The following NBPF3 variants were observed in gnomAD, a reference collection of about 807,000 sequenced individuals.
NBPF3 encodes NBPF family member NBPF3.
NBPF3 carries 57 observed loss-of-function variants against 78.1 expected under a neutral mutation model. The ratio of observed to expected loss-of-function variants is 0.73; its 90% confidence interval spans 0.59 to 0.91. The LOEUF is 0.91. Among genes scored for constraint, NBPF3 ranks in the 40% least tolerant of loss-of-function variants. The pLI, the probability that NBPF3 is intolerant of heterozygous loss-of-function variation, is 0.00. For synonymous variants in NBPF3, 182 were observed against 271.7 expected (o/e 0.67, Z 3.25); for missense variants, 510 against 715.3 (o/e 0.71, Z 3.27).
In NBPF3 at chr1:21,476,155, C is replaced by A. The variant is rs1299886914; in HGVS notation, c.992+1204C>A. ...TCTTCCTCCATCCCTTTATTTTGAGCCTATGTGTGTCTCTGCACGTGAGAT... is the reference window on the plus strand; with the variant it reads ...TCTTCCTCCATCCCTTTATTTTGAGACTATGTGTGTCTCTGCACGTGAGAT... On this transcript the variant is annotated intron_variant, in intron 8 of 14. Coordinates refer to ENST00000318249, the MANE Select transcript of NBPF3 (RefSeq NM_032264.6). This position sits in a 1 kb window ranked among gnomAD's most constrained non-coding sequence, Gnocchi z 4.1. Among the ~76,000 whole-genome samples, 1 of 152,032 alleles carries A rather than the reference C, an allele frequency of 6.6e-6. No individual in the cohort carries two copies. Among genetic ancestry groups the A allele is most frequent in the Non-Finnish European group, 1.5e-5 (1 of 68,026 alleles).
chr1:21,470,319 C>T (rs1642514005), intron 3 of NBPF3, among the ~76,000 whole-genome samples: 1 of 152,196 alleles, frequency 6.6e-6, no homozygotes, highest in Non-Finnish European at 1.5e-5. Context: ...GGAGAGGCTG[C>T]AAGGCTTGGG....
intron 2 of NBPF3, chr1:21,459,600 T>A (rs1294624708): frequency 9.4e-6 from 2 of 213,312 alleles, no homozygotes; most frequent in East Asian, 3.2e-4. Flanking sequence ...GGTATATGTG[T>A]GTATGAGAAG....
chr1:21,469,963 A>C (rs1478257905), intron 3 of NBPF3, among the ~76,000 whole-genome samples: 1 of 152,200 alleles, frequency 6.6e-6, no homozygotes, highest in Non-Finnish European at 1.5e-5. Context: ...AAATTGCTGC[A>C]ATGAGTTACA....
At chr1:21,445,647 C>T (rs1640926466) in intron 2 of NBPF3, among the ~76,000 whole-genome samples, 1 of 152,098 alleles carries the variant, frequency 6.6e-6, no homozygotes, top group East Asian at 1.9e-4. Context: ...AAGGCTCCTA[C>T]ACTGTCCTGG....
In NBPF3 at chr1:21,476,683, G is replaced by T. The variant is rs1384302885; in HGVS notation, c.993-1461G>T. ...GTGGGCTTCCCTTAGTGGGTAACTC[G>T]ACCATTCTCTCTGGCTGCCCTTAAC... On this transcript the variant is annotated intron_variant, in intron 8 of 14. Coordinates refer to ENST00000318249, the MANE Select transcript of NBPF3 (RefSeq NM_032264.6). The surrounding 1 kb of genome is among the most constrained non-coding windows in gnomAD (Gnocchi z 4.1). Among the ~76,000 whole-genome samples the T allele has an allele frequency of 6.6e-6, 1 of 152,146 alleles. No individual in the cohort carries two copies. The highest frequency in any genetic ancestry group is 6.6e-5 in the Admixed American group (1 of 15,266).
In NBPF3 at chr1:21,480,125, C is replaced by T. The variant is rs1226785093; in HGVS notation, c.1283C>T (p.Pro428Leu). Reference protein sequence around the residue: ...QDSLDRFYSTPFEYLELPDLC... With the variant: ...QDSLDRFYSTLFEYLELPDLC... ...TCACTGGATAGATTTTATTCAACTC[C>T]TTTTGAGTACCTGGAACTGCCTGAC... is the stretch of plus-strand genomic sequence containing the variant. The change falls in exon 11 of 15, where the codon CCT becomes CTT. Residue 428 changes from proline (P) to leucine (L), a missense_variant. Transcript: ENST00000318249. The T allele has an allele frequency of 4.6e-6, 5 of 1,087,064 alleles. 1 individual carries two copies. In the Admixed American group the frequency reaches 1.1e-4, roughly 25 times the overall value. The allele number at this position is 1,087,064 out of a possible 1,614,324, so 67.3% of individuals were successfully genotyped here. A position where few individuals can be genotyped will look rare whatever the true frequency, so the allele number is the denominator to read the frequency against.
chr1:21,463,704 T>C (rs565758051), intron 2 of NBPF3, among the ~76,000 whole-genome samples: 3 of 152,332 alleles, frequency 2.0e-5, no homozygotes, highest in Non-Finnish European at 4.4e-5. Context: ...CCAAATTATA[T>C]GTTTGACACA....
chr1:21,461,225 A>C (rs1267945121), intron 2 of NBPF3, among the ~76,000 whole-genome samples: 2 of 126,494 alleles, frequency 1.6e-5, no homozygotes, highest in Admixed American at 8.4e-5. Flanking sequence ...GACCCAGGAA[A>C]ATCAGTATGT....
At chr1:21,456,947 T>C (rs990217147) in intron 2 of NBPF3, among the ~76,000 whole-genome samples, 5 of 152,214 alleles carry the variant, frequency 3.3e-5, no homozygotes, top group African/African-American at 1.2e-4. Context: ...AGATAATGAC[T>C]GTGTATGTTA....
intron 3 of NBPF3, among the ~76,000 whole-genome samples, chr1:21,469,236 C>T (rs1349285467): frequency 2.6e-5 from 4 of 152,154 alleles, no homozygotes; most frequent in Admixed American, 2.6e-4. Flanking sequence ...CAAATAACAT[C>T]TAGTCTGTTG....
rs1476940314 is a variant in NBPF3, at chr1:21,451,076, T to G, written c.133+5857T>G. ...TCTGCATTTCTTGAAACCATTATTA[T>G]TTATCTTTTTTCTCACACTCTTTTG... On this transcript the variant is annotated intron_variant, in intron 2 of 14. Coordinates refer to ENST00000318249, the MANE Select transcript of NBPF3 (RefSeq NM_032264.6). 4.1e-4 allele frequency among the ~76,000 whole-genome samples: 63 copies of G among 152,238 alleles called. 1 individual carries two copies. The highest frequency in any genetic ancestry group is 4.1e-3 in the Admixed American group (63 of 15,286).
intron 2 of NBPF3, among the ~76,000 whole-genome samples, chr1:21,462,166 A>G (rs1247852329): frequency 5.9e-5 from 9 of 152,144 alleles, no homozygotes; most frequent in Admixed American, 5.9e-4. Context: ...AGCCTGCAGA[A>G]CTATGAGCAA....
upstream of NBPF3, chr1:21,436,865 G>C (rs980775476): frequency 1.5e-6 from 1 of 675,556 alleles, no homozygotes. This position sits in a 1 kb window ranked among gnomAD's most constrained non-coding sequence, Gnocchi z 4.3. Context: ...GGAGGGGCTC[G>C]CGCCCTCCGG....
intron 2 of NBPF3, among the ~76,000 whole-genome samples, chr1:21,457,819 AG>A (rs1641717564): frequency 6.6e-6 from 1 of 152,150 alleles, no homozygotes; most frequent in Non-Finnish European, 1.5e-5. Flanking sequence ...GACCAGACTG[AG>A]GGGTGGACTG....
chr1:21,467,938 G>A (rs7541599), intron 2 of NBPF3, among the ~76,000 whole-genome samples: 8,714 of 152,222 alleles, frequency 0.057, 304 homozygotes, highest in African/African-American at 0.097. Flanking sequence ...AGAAATCAAC[G>A]TAACAATGGG....
intron 2 of NBPF3, chr1:21,446,461 C>CCTTCCTTT (rs1461143841): frequency 7.5e-6 from 1 of 133,586 alleles, no homozygotes; most frequent in East Asian, 3.1e-4. Flanking sequence ...TTCCTTCCTT[C>CCTTCCTTT]CTTCCTTCCT....
intron 5 of NBPF3, 33 bp from the exon 6 acceptor site, chr1:21,472,810 G>T (rs1016502416): frequency 7.3e-6 from 11 of 1,514,798 alleles, no homozygotes; most frequent in Non-Finnish European, 1.0e-5. Context: ...TGTGAATTGG[G>T]AAATATCTGA....
intron 1 of NBPF3, 46 bp from the exon 2 acceptor site, chr1:21,444,902 C>A: frequency 1.7e-6 from 1 of 588,342 alleles, no homozygotes; most frequent in Non-Finnish European, 2.9e-6. Context: ...GTTGCCGAAG[C>A]CCCAAATCTC....
chr1:21,466,735 CA>C (rs3053491), intron 2 of NBPF3, among the ~76,000 whole-genome samples: 10,742 of 147,984 alleles, frequency 0.073, 559 homozygotes, highest in African/African-American at 0.15. Flanking sequence ...TCACAAAAAC[CA>C]AAAAAAAAAA....
Sources: gnomAD v4.1 joint callset for allele counts (sites outside exome capture counted in the v4.1 genomes callset) on GRCh38, gnomAD v4.1.1 for gene constraint, Gnocchi (gnomAD v3.1) non-coding constraint, MANE v1.5 for transcripts, NCBI Gene and HGNC (gene_info 2026-07-23, HGNC 2026-07-21) for gene names.